ANTXR2: variants seen among roughly 807,000 people sequenced by gnomAD.
ANTXR2 encodes the protein ANTXR cell adhesion molecule 2.
Under a neutral mutation model 73.7 loss-of-function variants are expected in ANTXR2, and 44 were observed. The observed-to-expected ratio is 0.60, with a 90% CI of 0.47 to 0.77. The LOEUF (loss-of-function observed/expected upper bound fraction) is 0.77, where lower values mean the gene tolerates loss of function less well. ANTXR2 is among the 30% of genes least tolerant of loss of function. ANTXR2 has a pLI of 0.00. For missense variants in ANTXR2, 604 were observed against 592.5 expected (o/e 1.02, Z -0.20); for synonymous variants, 217 against 205.9 (o/e 1.05, Z -0.46).
At chr4:79,927,061 GTATA>G (rs71220390) in intron 16 of ANTXR2, among the ~76,000 whole-genome samples, 93 of 144,746 alleles carry the variant, frequency 6.4e-4, no homozygotes, top group Middle Eastern at 7.1e-3. Flanking sequence ...GTGTGTGTGT[GTATA>G]TATATATATA....
intron 14 of ANTXR2, among the ~76,000 whole-genome samples, chr4:79,983,464 A>T (rs535835467): frequency 2.5e-4 from 38 of 152,272 alleles, no homozygotes; most frequent in Non-Finnish European, 5.0e-4. Flanking sequence ...TTTGTGATAA[A>T]GTCAGATCCA....
chr4:80,004,323 C>A (rs549233013), intron 12 of ANTXR2, among the ~76,000 whole-genome samples: 1 of 152,062 alleles, frequency 6.6e-6, no homozygotes, highest in African/African-American at 2.4e-5. Flanking sequence ...TGGGGAATAT[C>A]AGAAAATTCA....
In ANTXR2 at chr4:79,907,334, G is replaced by C; in HGVS notation, c.*95C>G. ...GAGGAATTAAGCTGCTCTTCCAAAA[G>C]CTTCTGAAATGCACTTGATTTTTTT... On this transcript the variant is annotated 3_prime_UTR_variant, in exon 17 of 17. Transcript: ENST00000403729. 7.4e-7 allele frequency: 1 copy of C among 1,352,112 alleles called. No homozygotes were observed. Among genetic ancestry groups the C allele is most frequent in the South Asian group, 1.2e-5 (1 of 81,788 alleles). The allele number at this position is 1,352,112 out of a possible 1,614,324, so 83.8% of individuals were successfully genotyped here. A position where few individuals can be genotyped will look rare whatever the true frequency, so the allele number is the denominator to read the frequency against.
chr4:80,068,495 G>A (rs1159932751), intron 3 of ANTXR2, among the ~76,000 whole-genome samples: 1 of 152,156 alleles, frequency 6.6e-6, no homozygotes, highest in Non-Finnish European at 1.5e-5. Context: ...GAGGTGGGGT[G>A]TGGTGGCTCA....
intron 16 of ANTXR2, among the ~76,000 whole-genome samples, chr4:79,936,389 G>C (rs138065930): frequency 6.6e-6 from 1 of 152,230 alleles, no homozygotes; most frequent in Non-Finnish European, 1.5e-5. Flanking sequence ...TCACAACCTA[G>C]CACTAAAACT....
At chr4:80,004,821 C>CA (rs1327808705) in intron 12 of ANTXR2, among the ~76,000 whole-genome samples, 1 of 151,948 alleles carries the variant, frequency 6.6e-6, no homozygotes, top group Non-Finnish European at 1.5e-5. Flanking sequence ...GAGGCTTTTT[C>CA]AAACTGCATG....
chr4:80,062,792 C>A (rs1223571933), intron 3 of ANTXR2, among the ~76,000 whole-genome samples: 1 of 152,168 alleles, frequency 6.6e-6, no homozygotes, highest in Non-Finnish European at 1.5e-5. Flanking sequence ...AGTGCTCATG[C>A]ACAGCATCAG....
At chr4:79,945,739 G>C (rs1442738839) in intron 16 of ANTXR2, among the ~76,000 whole-genome samples, 1 of 152,084 alleles carries the variant, frequency 6.6e-6, no homozygotes, top group Non-Finnish European at 1.5e-5. Context: ...GAGCCCCACA[G>C]AGTCAGAAAG....
intron 16 of ANTXR2, among the ~76,000 whole-genome samples, chr4:79,919,488 T>C (rs995977249): frequency 3.9e-5 from 6 of 152,026 alleles, no homozygotes; most frequent in Non-Finnish European, 7.4e-5. Context: ...ACAGACCTAC[T>C]CTCAATCTGG....
intron 16 of ANTXR2, among the ~76,000 whole-genome samples, chr4:79,931,256 T>G (rs1184918176): frequency 6.6e-6 from 1 of 152,246 alleles, no homozygotes; most frequent in African/African-American, 2.4e-5. Context: ...TAGCTTCTTT[T>G]GCATATCATT....
intron 11 of ANTXR2, 150 bp downstream of exon 11, chr4:80,018,748 G>A (rs781269250): frequency 3.2e-5 from 20 of 617,182 alleles, no homozygotes; most frequent in African/African-American, 2.0e-4. Context: ...CACCCAAAAC[G>A]AATTCTATAC....
rs559237210 is a variant in ANTXR2, at chr4:79,978,184, A to C, written c.1180-10T>G. The C allele has an allele frequency of 1.2e-6, 2 of 1,613,326 alleles. No individual in the cohort carries two copies. Among genetic ancestry groups the C allele is most frequent in the East Asian group, 4.5e-5 (2 of 44,870 alleles). Reference sequence around the variant, plus strand: ...TATCACCCCAACGAACCTGTAAAACAAAGGGAGAGTACTGTTATCAGACAT... The same window carrying C: ...TATCACCCCAACGAACCTGTAAAACCAAGGGAGAGTACTGTTATCAGACAT... On this transcript the variant is annotated splice_polypyrimidine_tract_variant and intron_variant, in intron 14 of 16. Transcript: ENST00000403729.
intron 12 of ANTXR2, among the ~76,000 whole-genome samples, chr4:80,005,019 T>C (rs1731238918): frequency 6.6e-6 from 1 of 152,150 alleles, no homozygotes; most frequent in Non-Finnish European, 1.5e-5. Flanking sequence ...TAGAGGTCTA[T>C]GAGATTTTAA....
At position 79,951,596 on chromosome 4, in the gene ANTXR2, A is replaced by C. The variant is rs974992104; in HGVS notation, c.1428+26025T>G. Among the ~76,000 whole-genome samples, 7 of 151,250 alleles carry C rather than the reference A, an allele frequency of 4.6e-5. 1 individual carries two copies. Among genetic ancestry groups the C allele is most frequent in the Admixed American group, 1.3e-4 (2 of 15,200 alleles). On this transcript the variant is annotated intron_variant, in intron 16 of 16. Coordinates refer to ENST00000403729, the MANE Select transcript of ANTXR2 (RefSeq NM_058172.6). ...ATCTCAAAAAACAACAACAACAAAA[A>C]AAAAAAAACAACAAAAAGAACAACC... is the stretch of plus-strand genomic sequence containing the variant.
chr4:79,992,122 G>GA (rs1396260790), intron 12 of ANTXR2, among the ~76,000 whole-genome samples: 1 of 151,718 alleles, frequency 6.6e-6, no homozygotes, highest in Non-Finnish European at 1.5e-5. Context: ...AAAATTGAAA[G>GA]AAAAAAATTG....
chr4:79,962,301 TA>T, intron 16 of ANTXR2, among the ~76,000 whole-genome samples: 1 of 151,288 alleles, frequency 6.6e-6, no homozygotes, highest in South Asian at 2.1e-4. Context: ...CACACTCTCC[TA>T]AAACAGTCAG....
intron 11 of ANTXR2, among the ~76,000 whole-genome samples, chr4:80,010,289 A>G (rs1731509465): frequency 6.6e-6 from 1 of 152,192 alleles, no homozygotes; most frequent in Admixed American, 6.5e-5. Context: ...ATAACGGAAA[A>G]AGGATGTCAT....
intron 16 of ANTXR2, among the ~76,000 whole-genome samples, chr4:79,918,404 G>A (rs1727439311): frequency 6.6e-6 from 1 of 152,022 alleles, no homozygotes; most frequent in African/African-American, 2.4e-5. Flanking sequence ...AGGGAATATA[G>A]AGTTAAACTT....
intron 7 of ANTXR2, among the ~76,000 whole-genome samples, chr4:80,047,645 C>A (rs1733579523): frequency 6.6e-6 from 1 of 151,704 alleles, no homozygotes; most frequent in Non-Finnish European, 1.5e-5. Flanking sequence ...ATCTGGGACC[C>A]TATACACTGA....
Sources: allele counts gnomAD v4.1 joint callset (sites outside exome capture counted in the v4.1 genomes callset), GRCh38; gene constraint gnomAD v4.1.1; transcripts MANE v1.5; gene names NCBI Gene and HGNC (gene_info 2026-07-23, HGNC 2026-07-21).